MACROD2: variants seen among roughly 807,000 people sequenced by gnomAD.
The protein encoded by MACROD2 is mono-ADP ribosylhydrolase 2.
MACROD2 carries 36 observed loss-of-function variants against 70.4 expected under a neutral mutation model. The ratio of observed to expected loss-of-function variants is 0.51; its 90% confidence interval spans 0.39 to 0.68. The LOEUF is 0.68. MACROD2 is among the 30% of genes least tolerant of loss of function. MACROD2 has a pLI of 0.00. For missense variants in MACROD2, 496 were observed against 538.4 expected, an observed-to-expected ratio of 0.92 and a Z score of 0.78; for synonymous variants, 172 against 178.8, an observed-to-expected ratio of 0.96 and a Z score of 0.30.
intron 8 of MACROD2, among the ~76,000 whole-genome samples, chr20:15,831,250 A>G (rs1247442138): frequency 6.6e-6 from 1 of 152,184 alleles, no homozygotes; most frequent in Non-Finnish European, 1.5e-5. Flanking sequence ...GAGCTGTGTT[A>G]TGTACCTTGA....
chr20:14,897,060 C>G (rs1159718368), intron 5 of MACROD2, among the ~76,000 whole-genome samples: 1 of 152,058 alleles, frequency 6.6e-6, no homozygotes, highest in Non-Finnish European at 1.5e-5. Flanking sequence ...GTAGACTAAC[C>G]ACAGAGCCTG....
At chr20:15,764,421 A>T (rs1230975253) in intron 8 of MACROD2, among the ~76,000 whole-genome samples, 1 of 152,090 alleles carries the variant, frequency 6.6e-6, no homozygotes, top group Non-Finnish European at 1.5e-5. Flanking sequence ...CTTAAAATTA[A>T]CTGTCTAAAA....
chr20:14,856,846 A>C (rs1417558321), intron 5 of MACROD2, among the ~76,000 whole-genome samples: 1 of 152,116 alleles, frequency 6.6e-6, no homozygotes, highest in Non-Finnish European at 1.5e-5. Context: ...AATTGTATGG[A>C]TAATAATATG....
chr20:15,765,870 A>C (rs2051515233), intron 8 of MACROD2, among the ~76,000 whole-genome samples: 1 of 151,824 alleles, frequency 6.6e-6, no homozygotes, highest in Non-Finnish European at 1.5e-5. Context: ...TACTTTTTAT[A>C]CTTTCAAGAA....
At chr20:14,508,670 C>G (rs969953668) in intron 4 of MACROD2, among the ~76,000 whole-genome samples, 7 of 152,136 alleles carry the variant, frequency 4.6e-5, no homozygotes, top group African/African-American at 1.7e-4. Flanking sequence ...GACAAAAATC[C>G]TTGCTCTTGT....
intron 6 of MACROD2, among the ~76,000 whole-genome samples, chr20:15,392,536 G>A (rs1416217628): frequency 1.3e-5 from 2 of 151,920 alleles, no homozygotes; most frequent in Non-Finnish European, 2.9e-5. Context: ...TTACCTAATA[G>A]CATCTCTCTT....
At chr20:16,048,025 A>T (rs981764888) in intron 17 of MACROD2, among the ~76,000 whole-genome samples, 1 of 152,228 alleles carries the variant, frequency 6.6e-6, no homozygotes, top group Non-Finnish European at 1.5e-5. Flanking sequence ...ACATAATTTT[A>T]TGTGATCCAA....
chr20:14,327,366 G>A, intron 3 of MACROD2: 2 of 1,613,720 alleles, frequency 1.2e-6, no homozygotes, highest in Non-Finnish European at 8.5e-7. Context: ...ATGTCAGAAA[G>A]CGATCATTAC....
chr20:14,317,469 A>G (rs528476375), intron 3 of MACROD2, among the ~76,000 whole-genome samples: 12 of 152,188 alleles, frequency 7.9e-5, no homozygotes, highest in African/African-American at 2.9e-4. Flanking sequence ...ACAAAAAATT[A>G]GCTGGGGGTG....
chr20:15,122,217 G>A (rs1167342500), intron 5 of MACROD2, among the ~76,000 whole-genome samples: 1 of 152,120 alleles, frequency 6.6e-6, no homozygotes, highest in Non-Finnish European at 1.5e-5. Context: ...GTTTTGAAAT[G>A]GTTATTGGTT....
rs557023954 is a variant in MACROD2 at position 14,668,837 on chromosome 20, A to G, written c.302-16006A>G. On this transcript the variant is annotated intron_variant, in intron 4 of 17. Transcript: ENST00000684519. The stretch of plus-strand genomic sequence containing the variant: ...GGGCAAAATCTTCATCTATACACAA[A>G]CACTTTTTTTTAAACAAAAAGGAGT... Among the ~76,000 whole-genome samples the G allele has an allele frequency of 4.6e-5, 7 of 152,174 alleles. No homozygotes were observed. The South Asian group carries it at 1.5e-3, about 32-fold the overall frequency.
chr20:15,795,379 G>A (rs1292652024), intron 8 of MACROD2, among the ~76,000 whole-genome samples: 1 of 152,032 alleles, frequency 6.6e-6, no homozygotes, highest in African/African-American at 2.4e-5. Flanking sequence ...GGGATGGGGT[G>A]CAGGAATCAA....
intron 4 of MACROD2, among the ~76,000 whole-genome samples, chr20:14,497,445 A>T (rs13040047): frequency 0.15 from 23,215 of 151,812 alleles, 2,585 homozygotes; most frequent in Non-Finnish European, 0.22. Flanking sequence ...GTAGAATTAG[A>T]AAGAAAAATC....
intron 5 of MACROD2, among the ~76,000 whole-genome samples, chr20:14,771,664 CACACACATATATATAT>C (rs1568787015): frequency 7.6e-6 from 1 of 132,238 alleles, no homozygotes; most frequent in Non-Finnish European, 1.7e-5. Flanking sequence ...CACACACACA[CACACACATATATATAT>C]ATATTTAAAC....
intron 5 of MACROD2, among the ~76,000 whole-genome samples, chr20:14,855,539 C>T (rs567532015): frequency 8.2e-5 from 12 of 146,582 alleles, no homozygotes; most frequent in Non-Finnish European, 1.3e-4. Context: ...CATAACCTTT[C>T]ATACTTAATA....
At chr20:15,679,934 T>C (rs1172255544) in intron 8 of MACROD2, among the ~76,000 whole-genome samples, 1 of 152,226 alleles carries the variant, frequency 6.6e-6, no homozygotes, top group Non-Finnish European at 1.5e-5. Flanking sequence ...ATTAAGCAGA[T>C]ATTGACAACT....
At position 14,546,127 on chromosome 20, in the gene MACROD2, T is replaced by G. The variant is rs562416390; in HGVS notation, c.301+52619T>G. 2.0e-5 allele frequency among the ~76,000 whole-genome samples: 3 copies of G among 152,342 alleles called. No homozygotes were observed. In the East Asian group the frequency reaches 5.8e-4, roughly 29 times the overall value. On this transcript the variant is annotated intron_variant, in intron 4 of 17. Coordinates refer to ENST00000684519, the MANE Select transcript of MACROD2 (RefSeq NM_001351661.2). ...AGGGAATCAGGTCTCCCTATTAATT[T>G]TCAAAGTGTAAGATGCTATCCATCC...
intron 6 of MACROD2, among the ~76,000 whole-genome samples, chr20:15,291,423 T>C (rs1358970112): frequency 1.3e-5 from 2 of 152,200 alleles, no homozygotes; most frequent in African/African-American, 2.4e-5. Flanking sequence ...ACAGCAGATA[T>C]TATCCATTGA....
At position 16,035,134 on chromosome 20, in the gene MACROD2, T is replaced by TAAA. The variant is rs1568725968; in HGVS notation, c.1154-6066_1154-6065insAAA. ...ATAAAATATAATATAAAATATTATA[T>TAAA]ATTATATATTATATATAAAATATAA... On this transcript the variant is annotated intron_variant, in intron 15 of 17. Transcript: ENST00000684519. Among the ~76,000 whole-genome samples the TAAA allele has an allele frequency of 1.1e-3, 80 of 73,904 alleles. 5 individuals are homozygous for TAAA. In the East Asian group the frequency reaches 0.017, roughly 16 times the overall value. 48.5% of individuals were successfully genotyped at this position (73,904 alleles called of 152,430 possible).
Sources: gnomAD v4.1 joint callset for allele counts (sites outside exome capture counted in the v4.1 genomes callset) on GRCh38, gnomAD v4.1.1 for gene constraint, MANE v1.5 for transcripts, NCBI Gene and HGNC (gene_info 2026-07-23, HGNC 2026-07-21) for gene names.